ODF2L: variants seen among roughly 807,000 people sequenced by gnomAD.
ODF2L encodes protein BCAP.
Under a neutral mutation model 86.3 loss-of-function variants are expected in ODF2L, and 76 were observed. That is an observed-to-expected ratio of 0.88 (90% CI 0.73 to 1.07). ODF2L has a LOEUF of 1.07. ODF2L is among the 50% of genes least tolerant of loss of function. The pLI is 0.00. For missense variants in ODF2L, 748 were observed against 717.4 expected (o/e 1.04, Z -0.49); for synonymous variants, 241 against 231.3 (o/e 1.04, Z -0.38).
At position 86,370,354 on chromosome 1, in the gene ODF2L, TATTAC is replaced by T. The variant is rs72276081; in HGVS notation, c.1056+659_1056+663del. Among the ~76,000 whole-genome samples the T allele has an allele frequency of 0.011, 1,671 of 152,224 alleles. 62 individuals carry two copies. The East Asian group carries it at 0.11, about 10-fold the overall frequency. On this transcript the variant is annotated intron_variant, in intron 10 of 17. Transcript: ENST00000317336. Reference sequence around the variant, plus strand: ...ACAACAAAACAATGTTAGATGCTTATATTACAAGTTTCTCTAAAATGTACTCTATG... The same window carrying T: ...ACAACAAAACAATGTTAGATGCTTATAAGTTTCTCTAAAATGTACTCTATG...
intron 2 of ODF2L, chr1:86,386,070 G>A (rs2101434598): frequency 6.5e-6 from 1 of 152,786 alleles, no homozygotes; most frequent in African/African-American, 2.4e-5. Flanking sequence ...AAAGTCAAGT[G>A]TGATTATAGA....
intron 1 of ODF2L, among the ~76,000 whole-genome samples, chr1:86,395,353 G>A (rs1194344372): frequency 2.0e-5 from 3 of 152,094 alleles, no homozygotes; most frequent in African/African-American, 7.2e-5. Context: ...CCACCTTAAT[G>A]GCCCTGCGTT....
At chr1:86,356,073 T>C in intron 14 of ODF2L, 1 of 221,536 alleles carries the variant, frequency 4.5e-6, no homozygotes. Context: ...AAACTTGACG[T>C]ACAATTCTAA....
At chr1:86,382,136 A>G in intron 7 of ODF2L, 106 bp downstream of exon 7, 1 of 1,352,074 alleles carries the variant, frequency 7.4e-7, no homozygotes, top group Non-Finnish European at 9.6e-7. Flanking sequence ...CATGTCAACA[A>G]CTGTGTATTT....
At chr1:86,355,706 C>T (rs1658500913) in intron 14 of ODF2L, among the ~76,000 whole-genome samples, 1 of 152,094 alleles carries the variant, frequency 6.6e-6, no homozygotes, top group Non-Finnish European at 1.5e-5. Flanking sequence ...TGAAAGGCCC[C>T]ACTGTGTGTT....
At chr1:86,385,301 A>G (rs143467876) in intron 3 of ODF2L, among the ~76,000 whole-genome samples, 157 bp downstream of exon 3, 1 of 152,184 alleles carries the variant, frequency 6.6e-6, no homozygotes, top group Admixed American at 6.5e-5. Flanking sequence ...AAAGAACTGT[A>G]GTTAATGACA....
chr1:86,379,038 G>C (rs981337638), intron 7 of ODF2L, among the ~76,000 whole-genome samples: 4 of 152,026 alleles, frequency 2.6e-5, no homozygotes, highest in African/African-American at 9.7e-5. Context: ...GTTTAAAAGT[G>C]TGCAGCACCT....
intron 7 of ODF2L, among the ~76,000 whole-genome samples, chr1:86,381,442 A>G (rs1660579923): frequency 6.6e-6 from 1 of 152,086 alleles, no homozygotes; most frequent in African/African-American, 2.4e-5. Flanking sequence ...GAACACACAC[A>G]CACACACCCA....
rs552526208 is a variant in ODF2L at position 86,352,029 on chromosome 1, A to T, written c.*162T>A. 14 of 1,303,276 alleles carry T rather than the reference A, an allele frequency of 1.1e-5. No individual in the cohort carries two copies. In the African/African-American group the frequency reaches 2.0e-4, roughly 18 times the overall value. 80.7% of individuals were successfully genotyped at this position (1,303,276 alleles called of 1,614,324 possible). A position where few individuals can be genotyped will look rare whatever the true frequency, so the allele number is the denominator to read the frequency against. On this transcript the variant is annotated 3_prime_UTR_variant, in exon 18 of 18. Coordinates refer to ENST00000317336, the Ensembl canonical transcript of ODF2L. ...AAAAAAAAGTTTAGAAATAAATGGA[A>T]GGCCTGTGCTAAATTAAAGGTGATC...
At chr1:86,382,141 G>A (rs1020816113) in intron 7 of ODF2L, 101 bp downstream of exon 7, 1 of 1,368,548 alleles carries the variant, frequency 7.3e-7, no homozygotes, top group East Asian at 2.7e-5. Context: ...CAACAACTGT[G>A]TATTTTAAAA....
downstream of ODF2L, chr1:86,348,645 CT>C (rs1657923268): frequency 1.9e-6 from 2 of 1,038,452 alleles, no homozygotes; most frequent in African/African-American, 3.4e-5. Context: ...AATACTACCA[CT>C]CATAAATCAT....
chr1:86,380,713 T>C (rs1660523739), intron 7 of ODF2L, among the ~76,000 whole-genome samples: 1 of 152,168 alleles, frequency 6.6e-6, no homozygotes, highest in Non-Finnish European at 1.5e-5. Flanking sequence ...TCCAAAGCAA[T>C]GTCTGTATAC....
exon 18 of ODF2L, chr1:86,351,945 C>T (rs1658167089): frequency 6.6e-6 from 8 of 1,209,052 alleles, no homozygotes; most frequent in Non-Finnish European, 7.2e-6. Flanking sequence ...TCAGAGGCTT[C>T]AATTACACAA....
intron 1 of ODF2L, among the ~76,000 whole-genome samples, chr1:86,387,536 G>C (rs1661038664): frequency 6.6e-6 from 1 of 152,058 alleles, no homozygotes; most frequent in South Asian, 2.1e-4. Flanking sequence ...CAAAGGATAG[G>C]ATACTCAATT....
intron 14 of ODF2L, chr1:86,355,249 T>C (rs1658451834): frequency 1.3e-6 from 1 of 791,626 alleles, no homozygotes; most frequent in South Asian, 1.7e-5. Context: ...CTAAAAATAC[T>C]GATTAATAAT....
At chr1:86,372,325 T>G (rs998175539) in intron 9 of ODF2L, 106 bp downstream of exon 9, 32 of 492,980 alleles carry the variant, frequency 6.5e-5, no homozygotes, top group Middle Eastern at 5.4e-4. Flanking sequence ...AGGTAGCACC[T>G]TTACCATATG....
rs1280423977 is a variant in ODF2L, at chr1:86,376,115, T to G, written c.810+118A>C. On this transcript the variant is annotated intron_variant, in intron 8 of 17. Coordinates refer to ENST00000317336, the Ensembl canonical transcript of ODF2L. ...ATTAAAGCAAAAAGTGTAAGTTTTT[T>G]CTGGTATTAACAGCATTAAGAAAAG... The G allele has an allele frequency of 1.0e-5, 5 of 501,996 alleles. No individual in the cohort carries two copies. In the East Asian group the frequency reaches 1.6e-4, roughly 16 times the overall value. 31.1% of individuals were successfully genotyped at this position (501,996 alleles called of 1,614,324 possible).
At chr1:86,353,324 C>T (rs990579240) in intron 16 of ODF2L, among the ~76,000 whole-genome samples, 1 of 152,128 alleles carries the variant, frequency 6.6e-6, no homozygotes, top group African/African-American at 2.4e-5. Context: ...GTGTTAAGAG[C>T]AGTGATGGAA....
At chr1:86,395,729 T>C (rs777388983) in intron 1 of ODF2L, among the ~76,000 whole-genome samples, 3 of 152,156 alleles carry the variant, frequency 2.0e-5, no homozygotes, top group Non-Finnish European at 2.9e-5. Context: ...AATGCAACCA[T>C]ATCCAGGAAC....
Sources: allele counts gnomAD v4.1 joint callset (sites outside exome capture counted in the v4.1 genomes callset), GRCh38; gene constraint gnomAD v4.1.1; transcripts MANE v1.5; gene names NCBI Gene and HGNC (gene_info 2026-07-23, HGNC 2026-07-21).